The following STXBP6 variants were observed in gnomAD, a reference collection of about 807,000 sequenced individuals.
STXBP6 encodes syntaxin-binding protein 6.
A neutral mutation model predicts 26.9 loss-of-function variants in STXBP6; 21 were observed. The ratio of observed to expected loss-of-function variants is 0.78; its 90% CI spans 0.55 to 1.12. The LOEUF is 1.12. Among genes scored for constraint, STXBP6 ranks in the 50% most tolerant of loss-of-function variants. The probability of loss-of-function intolerance (pLI) is 0.00; values close to 1 mark genes in which losing one functional copy is unlikely to be tolerated. For synonymous variants in STXBP6, 97 were observed against 92.6 expected (o/e 1.05, Z -0.27); for missense variants, 232 against 257.9 (o/e 0.90, Z 0.69).
chr14:24,828,527 T>C (rs1442303999), intron 4 of STXBP6, among the ~76,000 whole-genome samples: 1 of 152,190 alleles, frequency 6.6e-6, no homozygotes, highest in Admixed American at 6.5e-5. Context: ...TACATACCAA[T>C]GTATGTATTT....
At chr14:24,941,720 C>A (rs552449897) in intron 2 of STXBP6, among the ~76,000 whole-genome samples, 3 of 152,246 alleles carry the variant, frequency 2.0e-5, no homozygotes, top group African/African-American at 7.2e-5. Context: ...GCAGCAGAAC[C>A]TACTCTTAGC....
At chr14:24,820,922 G>T (rs564041323) in intron 4 of STXBP6, among the ~76,000 whole-genome samples, 1 of 152,290 alleles carries the variant, frequency 6.6e-6, no homozygotes, top group South Asian at 2.1e-4. Context: ...CACTAAGACA[G>T]AATTGTGCGC....
At chr14:24,926,550 A>C (rs2072177984) in intron 2 of STXBP6, among the ~76,000 whole-genome samples, 2 of 152,218 alleles carry the variant, frequency 1.3e-5, no homozygotes, top group African/African-American at 4.8e-5. Context: ...CTCCATTAGT[A>C]CACTAGTATC....
At chr14:24,945,139 A>ATATTTTTT (rs2072937548) in intron 2 of STXBP6, among the ~76,000 whole-genome samples, 1 of 100,718 alleles carries the variant, frequency 9.9e-6, no homozygotes, top group African/African-American at 3.6e-5. Context: ...CCAATTAGGA[A>ATATTTTTT]TTTTTTTTTT....
At chr14:24,930,018 C>T (rs1335803199) in intron 2 of STXBP6, among the ~76,000 whole-genome samples, 1 of 152,180 alleles carries the variant, frequency 6.6e-6, no homozygotes, top group African/African-American at 2.4e-5. Flanking sequence ...TTTACAGGCA[C>T]TTTAACTGAC....
chr14:24,895,883 A>T (rs1007641812), intron 2 of STXBP6, among the ~76,000 whole-genome samples: 1 of 152,182 alleles, frequency 6.6e-6, no homozygotes, highest in African/African-American at 2.4e-5. Context: ...GGTTGTCTTG[A>T]GGAGTAAACG....
chr14:24,935,631 T>A (rs2072568237), intron 2 of STXBP6, among the ~76,000 whole-genome samples: 2 of 152,212 alleles, frequency 1.3e-5, no homozygotes, highest in South Asian at 4.1e-4. Flanking sequence ...ATAACAGTAT[T>A]TTCTAAAAAC....
intron 2 of STXBP6, among the ~76,000 whole-genome samples, chr14:24,879,327 T>C (rs1218285728): frequency 4.6e-5 from 7 of 152,204 alleles, no homozygotes; most frequent in Middle Eastern, 3.2e-3. Context: ...TTTTCCTTCT[T>C]TAAACAAAAG....
intron 1 of STXBP6, among the ~76,000 whole-genome samples, chr14:25,012,964 T>C (rs942332951): frequency 6.6e-5 from 10 of 151,952 alleles, no homozygotes; most frequent in Admixed American, 3.9e-4. Context: ...AGGTGGCTTA[T>C]GCCTGTAATC....
At chr14:24,926,683 G>T (rs865858882) in intron 2 of STXBP6, among the ~76,000 whole-genome samples, 2 of 152,076 alleles carry the variant, frequency 1.3e-5, no homozygotes, top group Non-Finnish European at 2.9e-5. Flanking sequence ...GTAGATTGGC[G>T]AGTGTAGCAT....
rs553428730 is a variant in STXBP6, at chr14:25,024,129, G to A, written c.-33+25749C>T. ...TCGAGACCATCCTGGCTAACACGGT[G>A]AAACCCCGTCTCTACTAAAAATGCA... On this transcript the variant is annotated intron_variant, in intron 1 of 5. Coordinates refer to ENST00000323944, the MANE Select transcript of STXBP6 (RefSeq NM_001394410.1). Among the ~76,000 whole-genome samples the A allele has an allele frequency of 9.9e-5, 15 of 152,050 alleles. 1 individual carries two copies. The South Asian group carries it at 3.1e-3, about 32-fold the overall frequency.
chr14:24,828,353 T>C (rs1285747127), intron 4 of STXBP6, among the ~76,000 whole-genome samples: 1 of 152,198 alleles, frequency 6.6e-6, no homozygotes, highest in Non-Finnish European at 1.5e-5. Context: ...AGTAATTGTA[T>C]ATGACTTCGT....
intron 1 of STXBP6, among the ~76,000 whole-genome samples, chr14:25,009,747 C>T (rs1026794696): frequency 2.0e-5 from 3 of 152,200 alleles, no homozygotes; most frequent in Non-Finnish European, 1.5e-5. Flanking sequence ...CACACACACA[C>T]AAACTGCATT....
At chr14:24,875,959 G>A (rs556965896) in intron 2 of STXBP6, among the ~76,000 whole-genome samples, 1 of 152,174 alleles carries the variant, frequency 6.6e-6, no homozygotes, top group African/African-American at 2.4e-5. Flanking sequence ...TGATAAATAC[G>A]GCACTGTGTA....
chr14:24,904,702 A>G (rs2071328612), intron 2 of STXBP6, among the ~76,000 whole-genome samples: 1 of 152,186 alleles, frequency 6.6e-6, no homozygotes, highest in Admixed American at 6.5e-5. Context: ...AGGACACAGC[A>G]CAAAGGCAGC....
intron 2 of STXBP6, among the ~76,000 whole-genome samples, chr14:24,905,894 AT>A (rs1218203782): frequency 6.6e-6 from 1 of 152,184 alleles, no homozygotes; most frequent in Non-Finnish European, 1.5e-5. Flanking sequence ...TGGTGTCAAG[AT>A]ATAATGGGAG....
At chr14:25,002,462 C>A (rs574585595) in intron 1 of STXBP6, among the ~76,000 whole-genome samples, 47 of 150,116 alleles carry the variant, frequency 3.1e-4, no homozygotes, top group African/African-American at 1.1e-3. Flanking sequence ...TGGGTTCAAG[C>A]GATTCTCTTG....
chr14:25,029,568 G>A (rs761538732), intron 1 of STXBP6, among the ~76,000 whole-genome samples: 1 of 151,948 alleles, frequency 6.6e-6, no homozygotes, highest in Non-Finnish European at 1.5e-5. Context: ...CTTTATTGTT[G>A]TTGTCTGGAA....
intron 4 of STXBP6, among the ~76,000 whole-genome samples, chr14:24,825,999 C>T (rs757898449): frequency 2.0e-5 from 3 of 150,826 alleles, no homozygotes; most frequent in Admixed American, 6.6e-5. Context: ...AAAAACCTAA[C>T]GTGGCTCTAA....
Sources: gnomAD v4.1 joint callset for allele counts (sites outside exome capture counted in the v4.1 genomes callset) on GRCh38, gnomAD v4.1.1 for gene constraint, MANE v1.5 for transcripts, NCBI Gene and HGNC (gene_info 2026-07-23, HGNC 2026-07-21) for gene names.